The following LRRC3C variants were observed in gnomAD, a reference collection of about 807,000 sequenced individuals.
LRRC3C encodes the protein leucine-rich repeat-containing protein 3C.
In LRRC3C, 11 loss-of-function variants were observed where a neutral mutation model predicts 14.8. The observed-to-expected ratio is 0.74, with a 90% CI of 0.47 to 1.23. LRRC3C has a LOEUF of 1.23. Among genes scored for constraint, LRRC3C ranks in the 50% most tolerant of loss-of-function variants. The pLI is 0.00. For missense variants in LRRC3C, 354 were observed against 361.8 expected, an observed-to-expected ratio of 0.98 and a Z score of 0.18; for synonymous variants, 149 against 161.5, an observed-to-expected ratio of 0.92 and a Z score of 0.59.
rs1191324752 is a variant in LRRC3C, at chr17:39,944,556, C to T, written c.650C>T (p.Ala217Val). The change falls in exon 4 of 4, where the codon GCC becomes GTC. Residue 217 changes from alanine to valine, a missense_variant. Transcript: ENST00000377924. Reference sequence around the variant, plus strand: ...CTGTGTGGGTCGGGGTGGGGTGGGGCCCGGAGGAGCACCGATGTGGCCCTG... The same window carrying T: ...CTGTGTGGGTCGGGGTGGGGTGGGGTCCGGAGGAGCACCGATGTGGCCCTG... ...EELCGSGWGG[A>V]RRSTDVALLV... The T allele has an allele frequency of 6.6e-7, 1 of 1,523,686 alleles. No homozygotes were observed. Among genetic ancestry groups the T allele is most frequent in the Non-Finnish European group, 8.8e-7 (1 of 1,140,384 alleles). 94.4% of individuals were successfully genotyped at this position (1,523,686 alleles called of 1,614,324 possible).
intron 1 of LRRC3C, among the ~76,000 whole-genome samples, chr17:39,934,948 T>A (rs1339718334): frequency 6.6e-6 from 1 of 152,188 alleles, no homozygotes. Context: ...ATGGCGCGGC[T>A]GAAAGTGTAG....
intron 1 of LRRC3C, among the ~76,000 whole-genome samples, chr17:39,928,301 T>C (rs1236008590): frequency 6.6e-6 from 1 of 152,224 alleles, no homozygotes; most frequent in Non-Finnish European, 1.5e-5. Flanking sequence ...AATGAGAGGC[T>C]CTGGTCTGCA....
chr17:39,941,207 G>A (rs76922137), intron 2 of LRRC3C, among the ~76,000 whole-genome samples: 6,368 of 151,922 alleles, frequency 0.042, 426 homozygotes, highest in African/African-American at 0.14. Flanking sequence ...AAAATTAGCC[G>A]GGTTTGGTCG....
In LRRC3C at chr17:39,927,739, G is replaced by T; in HGVS notation, c.-250G>T. The T allele has an allele frequency of 2.0e-6, 2 of 985,474 alleles. No homozygotes were observed. 61.0% of individuals were successfully genotyped at this position (985,474 alleles called of 1,614,324 possible). ...GGAGTTGTAGTTTTTCCTGGGCTCC[G>T]TTCCCGGCCTCTTCGGGGACGCACG... is the stretch of plus-strand genomic sequence containing the variant. On this transcript the variant is annotated 5_prime_UTR_variant, in exon 1 of 4. Transcript: ENST00000377924.
chr17:39,933,718 G>C (rs974876243), intron 1 of LRRC3C, among the ~76,000 whole-genome samples: 2 of 152,082 alleles, frequency 1.3e-5, no homozygotes, highest in African/African-American at 2.4e-5. Context: ...GGGCGACAGA[G>C]CAAGACTCCG....
intron 2 of LRRC3C, chr17:39,939,743 G>C (rs1163643845): frequency 2.0e-5 from 3 of 152,350 alleles, no homozygotes. Context: ...AGTGTGCACT[G>C]TCCTAAGTGT....
chr17:39,934,803 C>G (rs1011625009), intron 1 of LRRC3C: 1 of 152,106 alleles, frequency 6.6e-6, no homozygotes, highest in Non-Finnish European at 1.5e-5. Context: ...ACAGAGCAGC[C>G]CCGAGGGCTG....
intron 1 of LRRC3C, among the ~76,000 whole-genome samples, chr17:39,928,691 A>T (rs1284655915): frequency 1.3e-5 from 2 of 152,216 alleles, no homozygotes; most frequent in African/African-American, 4.8e-5. Flanking sequence ...ATGTCATGGC[A>T]TGCCAACCTG....
intron 1 of LRRC3C, among the ~76,000 whole-genome samples, chr17:39,935,305 C>G (rs79057213): frequency 0.078 from 11,895 of 152,014 alleles, 590 homozygotes; most frequent in South Asian, 0.17. Context: ...GTCACCTTCT[C>G]GGTGCAGCCT....
At chr17:39,933,450 T>C (rs1978705214) in intron 1 of LRRC3C, among the ~76,000 whole-genome samples, 2 of 152,206 alleles carry the variant, frequency 1.3e-5, no homozygotes, top group African/African-American at 2.4e-5. Context: ...AAACAGTGCC[T>C]CGAGCTGGGT....
At position 39,944,910 on chromosome 17, in the gene LRRC3C, G is replaced by A. The variant is rs936322169; in HGVS notation, c.*176G>A. On this transcript the variant is annotated 3_prime_UTR_variant, in exon 4 of 4. Transcript: ENST00000377924. ...GGTTCTCTCTCTCTCTCTCTGTGTC[G>A]TCTTAACCAACACCATCTTTGGTGC... Among the ~76,000 whole-genome samples, 1 of 149,930 alleles carries A rather than the reference G, an allele frequency of 6.7e-6. No individual in the cohort carries two copies. Among genetic ancestry groups the A allele is most frequent in the Non-Finnish European group, 1.5e-5 (1 of 67,730 alleles).
intron 1 of LRRC3C, among the ~76,000 whole-genome samples, chr17:39,933,099 A>G (rs181976065): frequency 2.0e-5 from 3 of 152,074 alleles, no homozygotes; most frequent in Non-Finnish European, 2.9e-5. Context: ...CAACAACAAA[A>G]AAACCTTGAA....
At chr17:39,941,625 G>A (rs1978943818) in intron 3 of LRRC3C, 76 bp downstream of exon 3, 1 of 1,338,650 alleles carries the variant, frequency 7.5e-7, no homozygotes, top group Non-Finnish European at 1.0e-6. Context: ...TGGCAGGAGG[G>A]CTTCCAGGTT....
rs1333555446 is a variant in LRRC3C, at chr17:39,927,750, C to T, written c.-239C>T. 2 of 985,508 alleles carry T rather than the reference C, an allele frequency of 2.0e-6. No individual in the cohort carries two copies. Among genetic ancestry groups the T allele is most frequent in the Non-Finnish European group, 2.4e-6 (2 of 829,980 alleles). 61.0% of individuals were successfully genotyped at this position (985,508 alleles called of 1,614,324 possible). On this transcript the variant is annotated 5_prime_UTR_variant, in exon 1 of 4. Transcript: ENST00000377924. The stretch of plus-strand genomic sequence containing the variant: ...TTTTCCTGGGCTCCGTTCCCGGCCT[C>T]TTCGGGGACGCACGGTTGGAAGTTG...
chr17:39,943,967 G>A lies in LRRC3C; in HGVS notation c.61G>A (p.Ala21Thr). ...YCTPGLCQFM[A>T]MLPTAGHLLP... The stretch of plus-strand genomic sequence containing the variant: ...CACTCCAGGACTATGCCAATTTATG[G>A]CCATGCTCCCAACAGCAGGTCACCT... Residue 21 changes from alanine to threonine, a missense_variant, in exon 4 of 4, where the codon GCC (alanine) becomes ACC (threonine). Transcript: ENST00000377924. 6.5e-7 allele frequency: 1 copy of A among 1,536,112 alleles called. No individual in the cohort carries two copies. The highest frequency in any genetic ancestry group is 8.7e-7 in the Non-Finnish European group (1 of 1,146,902).
At chr17:39,940,748 ATTC>A in intron 2 of LRRC3C, among the ~76,000 whole-genome samples, 1 of 151,736 alleles carries the variant, frequency 6.6e-6, no homozygotes, top group East Asian at 1.9e-4. Context: ...CAGCCTTGAA[ATTC>A]TTTTTTTTGA....
chr17:39,941,389 G>GT (rs1978935897), intron 2 of LRRC3C, 54 bp from the exon 3 acceptor site: 2 of 501,876 alleles, frequency 4.0e-6, no homozygotes, highest in Non-Finnish European at 6.9e-6. Flanking sequence ...TTCTTAACAG[G>GT]TTTTTGAAAC....
At chr17:39,929,631 C>A (rs941549761) in intron 1 of LRRC3C, among the ~76,000 whole-genome samples, 5 of 152,082 alleles carry the variant, frequency 3.3e-5, no homozygotes, top group Non-Finnish European at 5.9e-5. Context: ...CACTGTGTGC[C>A]AAGAAGCTGA....
intron 1 of LRRC3C, among the ~76,000 whole-genome samples, chr17:39,928,741 A>G (rs1978559679): frequency 6.6e-6 from 1 of 152,232 alleles, no homozygotes; most frequent in South Asian, 2.1e-4. Context: ...ACTGAAAGTG[A>G]GGGAACAGGA....
Sources: gnomAD v4.1 joint callset for allele counts (sites outside exome capture counted in the v4.1 genomes callset) on GRCh38, gnomAD v4.1.1 for gene constraint, MANE v1.5 for transcripts, NCBI Gene and HGNC (gene_info 2026-07-23, HGNC 2026-07-21) for gene names.